The following NAT1 variants were observed in gnomAD, a reference collection of about 807,000 sequenced individuals.
The protein encoded by NAT1 is N-acetyltransferase 1, also known as arylamine N-acetyltransferase 1.
For synonymous variants in NAT1, 144 were observed against 122.6 expected, an observed-to-expected ratio of 1.17 and a Z score of -1.16; for missense variants, 400 against 339.2, an observed-to-expected ratio of 1.18 and a Z score of -1.41.
intron 2 of NAT1, among the ~76,000 whole-genome samples, chr8:18,177,473 T>G (rs887714973): frequency 1.3e-5 from 2 of 152,146 alleles, no homozygotes; most frequent in African/African-American, 4.8e-5. Context: ...AATTGCTTTA[T>G]TTTTATAAGT....
rs59830100 is a variant in NAT1 at position 18,193,421 on chromosome 8, C to T, written n.93-16360C>T. Reference sequence around the variant, plus strand: ...GCAGTGAGCTGAGATCGTACCACTGCACTCCAACCTGGGTGAGAGAGTGAG... The same window carrying T: ...GCAGTGAGCTGAGATCGTACCACTGTACTCCAACCTGGGTGAGAGAGTGAG... On this transcript the variant is annotated intron_variant and non_coding_transcript_variant, in intron 2 of 4. Coordinates refer to the NAT1 transcript ENST00000517441. 3.8e-3 allele frequency among the ~76,000 whole-genome samples: 551 copies of T among 145,874 alleles called. 4 individuals carry two copies. The highest frequency in any genetic ancestry group is 0.013 in the African/African-American group (524 of 39,964).
At chr8:18,202,690 G>C (rs917866163) in intron 2 of NAT1, among the ~76,000 whole-genome samples, 5 of 152,190 alleles carry the variant, frequency 3.3e-5, no homozygotes, top group African/African-American at 4.8e-5. Context: ...TGGGTTCGTG[G>C]TCTCGCTGAC....
chr8:18,201,570 G>T (rs980668303), intron 2 of NAT1, among the ~76,000 whole-genome samples: 22 of 152,120 alleles, frequency 1.4e-4, no homozygotes, highest in African/African-American at 5.3e-4. Context: ...AGGAAGAAAA[G>T]CATGGTTTGG....
intron 2 of NAT1, among the ~76,000 whole-genome samples, chr8:18,182,874 TA>T (rs1349880767): frequency 6.6e-6 from 1 of 152,194 alleles, no homozygotes; most frequent in African/African-American, 2.4e-5. Context: ...TTCATTTATT[TA>T]GGACTTTAAA....
At chr8:18,186,245 TC>T (rs967375068) in intron 2 of NAT1, among the ~76,000 whole-genome samples, 8 of 152,198 alleles carry the variant, frequency 5.3e-5, no homozygotes, top group Admixed American at 5.2e-4. Flanking sequence ...GTCTACTTCT[TC>T]CCGTAGTTCT....
chr8:18,182,326 T>A (rs182050403), intron 2 of NAT1, among the ~76,000 whole-genome samples: 1 of 152,224 alleles, frequency 6.6e-6, no homozygotes, highest in Non-Finnish European at 1.5e-5. Context: ...CAGTCTTTTT[T>A]TATAATTAAT....
At chr8:18,203,138 T>C (rs1013300745) in intron 2 of NAT1, among the ~76,000 whole-genome samples, 5 of 152,222 alleles carry the variant, frequency 3.3e-5, no homozygotes, top group African/African-American at 1.2e-4. Context: ...CACTATAAGA[T>C]CTGCTTCTGT....
intron 2 of NAT1, among the ~76,000 whole-genome samples, chr8:18,181,964 G>A (rs1158055722): frequency 1.3e-5 from 2 of 152,084 alleles, no homozygotes; most frequent in East Asian, 1.9e-4. Flanking sequence ...GTGTTGCACC[G>A]TGGCAGGCCT....
chr8:18,174,642 C>A (rs976637010), intron 2 of NAT1, among the ~76,000 whole-genome samples: 3 of 151,908 alleles, frequency 2.0e-5, no homozygotes, highest in Admixed American at 1.3e-4. Context: ...CTTTAGAGGG[C>A]GGTTATTGTG....
intron 2 of NAT1, among the ~76,000 whole-genome samples, chr8:18,184,484 A>G (rs1240906656): frequency 1.4e-4 from 22 of 152,228 alleles, no homozygotes; most frequent in Admixed American, 1.4e-3. Context: ...CTTGATGAGT[A>G]ACACTTGGCT....
intron 2 of NAT1, chr8:18,200,779 G>C (rs1181424428): frequency 3.0e-4 from 46 of 152,056 alleles, no homozygotes; most frequent in Admixed American, 3.0e-3. Flanking sequence ...CCCTTCATTT[G>C]TTTATATTGG....
chr8:18,198,037 A>G (rs1020890651), intron 2 of NAT1, among the ~76,000 whole-genome samples: 5 of 152,224 alleles, frequency 3.3e-5, no homozygotes, highest in Admixed American at 6.5e-5. Flanking sequence ...CAAAAAATAA[A>G]TTAAAAAGTA....
chr8:18,213,772 C>A (rs528182771), intron 1 of NAT1, among the ~76,000 whole-genome samples: 1 of 152,006 alleles, frequency 6.6e-6, no homozygotes, highest in South Asian at 2.1e-4. Context: ...CTCTCCTAGA[C>A]TCTGGTCTTT....
intron 1 of NAT1, among the ~76,000 whole-genome samples, chr8:18,210,977 G>A (rs28359492): frequency 8.6e-4 from 131 of 152,206 alleles, no homozygotes; most frequent in African/African-American, 3.0e-3. Flanking sequence ...GTTAATTTTT[G>A]TATTTTTAGT....
At chr8:18,195,158 G>A (rs1803181364) in intron 2 of NAT1, among the ~76,000 whole-genome samples, 2 of 152,186 alleles carry the variant, frequency 1.3e-5, no homozygotes, top group South Asian at 4.1e-4. Context: ...GAACATGGAG[G>A]ACAACACATG....
At position 18,222,312 on chromosome 8, in the gene NAT1, T is replaced by G; in HGVS notation, c.265T>G (p.Leu89Val). 1 of 1,614,060 alleles carries G rather than the reference T, an allele frequency of 6.2e-7. No individual in the cohort carries two copies. Among genetic ancestry groups the G allele is most frequent in the Non-Finnish European group, 8.5e-7 (1 of 1,179,988 alleles). The change falls in exon 3 of 3, where the codon TTG becomes GTG. Residue 89 changes from leucine to valine, a missense_variant. Leu to Val is a conservative substitution (Grantham distance 32). Coordinates refer to ENST00000307719, the MANE Select transcript of NAT1 (RefSeq NM_000662.8). ...CACTATTGGTTTTGAGACCACGATG[T>G]TGGGAGGGTATGTTTACAGCACTCC... ...LTTIGFETTM[L>V]GGYVYSTPAK...
intron 2 of NAT1, among the ~76,000 whole-genome samples, chr8:18,193,106 T>C (rs2117264352): frequency 7.8e-6 from 1 of 128,754 alleles, no homozygotes; most frequent in Non-Finnish European, 1.6e-5. Context: ...AGACAGGGTC[T>C]CTCAGTCTGT....
At chr8:18,188,806 C>G (rs952855511) in intron 2 of NAT1, among the ~76,000 whole-genome samples, 2 of 151,338 alleles carry the variant, frequency 1.3e-5, no homozygotes, top group African/African-American at 2.4e-5. Flanking sequence ...ACCAGCCTGG[C>G]CAACATGATG....
At chr8:18,211,460 A>G (rs1211626729) in intron 1 of NAT1, 2 of 152,276 alleles carry the variant, frequency 1.3e-5, no homozygotes, top group African/African-American at 4.8e-5. Flanking sequence ...CTCAAAAGGA[A>G]CTTTTTAACT....
Sources: allele counts gnomAD v4.1 joint callset (sites outside exome capture counted in the v4.1 genomes callset), GRCh38; gene constraint gnomAD v4.1.1; transcripts MANE v1.5; gene names NCBI Gene and HGNC (gene_info 2026-07-23, HGNC 2026-07-21).